Variants in RCHY1 observed in about 807,000 individuals in gnomAD.
The protein encoded by RCHY1 is ring finger and CHY zinc finger domain containing 1, also known as RING finger and CHY zinc finger domain-containing protein 1.
RCHY1 carries 21 observed loss-of-function variants against 41.6 expected under a neutral mutation model. The ratio of observed to expected loss-of-function variants is 0.51; its 90% CI spans 0.36 to 0.73. The LOEUF is 0.73. RCHY1 is among the 30% of genes least tolerant of loss of function. The probability of loss-of-function intolerance (pLI) is 0.00; values close to 1 mark genes in which losing one functional copy is unlikely to be tolerated. For synonymous variants in RCHY1, 79 were observed against 102.9 expected, an observed-to-expected ratio of 0.77 and a Z score of 1.41; for missense variants, 265 against 325.3, an observed-to-expected ratio of 0.81 and a Z score of 1.43.
At chr4:75,502,514 T>C (rs547606221) in intron 3 of RCHY1, among the ~76,000 whole-genome samples, 33 of 152,182 alleles carry the variant, frequency 2.2e-4, no homozygotes, top group Admixed American at 6.5e-4. Context: ...CACTCCAGCC[T>C]GGGCGCCAGA....
At chr4:75,489,206 G>A (rs558400042) in intron 8 of RCHY1, among the ~76,000 whole-genome samples, 1 of 152,128 alleles carries the variant, frequency 6.6e-6, no homozygotes, top group Admixed American at 6.5e-5. Flanking sequence ...ACCAATGTTT[G>A]CTTTGTCGAA....
chr4:75,484,437 C>A (rs58178148), intron 8 of RCHY1, among the ~76,000 whole-genome samples: 4,589 of 152,184 alleles, frequency 0.03, 228 homozygotes, highest in African/African-American at 0.11. Flanking sequence ...CTGGGTCGGG[C>A]AGAAGCACAG....
At chr4:75,496,091 A>G (rs938638324) in intron 3 of RCHY1, among the ~76,000 whole-genome samples, 3 of 152,222 alleles carry the variant, frequency 2.0e-5, no homozygotes, top group East Asian at 1.9e-4. Flanking sequence ...GTCAAACTCC[A>G]TAAGTAAAAT....
Position 75,482,412 on chromosome 4 carries a change from T to C in RCHY1, c.*126A>G. On this transcript the variant is annotated 3_prime_UTR_variant, in exon 9 of 9. Transcript: ENST00000324439. ...CTTACGTACTTGTAATATGATTTTA[T>C]GCTGTGACACTAGTACAAAACACAT... 1.3e-6 allele frequency: 1 copy of C among 755,756 alleles called. No individual in the cohort carries two copies. Among genetic ancestry groups the C allele is most frequent in the Non-Finnish European group, 2.0e-6 (1 of 511,200 alleles). The allele number at this position is 755,756 out of a possible 1,614,324, so 46.8% of individuals were successfully genotyped here. A position where few individuals can be genotyped will look rare whatever the true frequency, so the allele number is the denominator to read the frequency against.
chr4:75,480,106 G>A lies in RCHY1; in HGVS notation c.*2432C>T, dbSNP rs1721405191. ...GTTGAAGGATTTTAATCATCGAGTTGACGTGTCATGAACAAATACTTGAAG... is the reference window on the plus strand; with the variant it reads ...GTTGAAGGATTTTAATCATCGAGTTAACGTGTCATGAACAAATACTTGAAG... On this transcript the variant is annotated 3_prime_UTR_variant, in exon 9 of 9. Coordinates refer to ENST00000324439, the MANE Select transcript of RCHY1 (RefSeq NM_015436.4). The A allele has an allele frequency of 6.6e-6, 1 of 152,150 alleles. No homozygotes were observed. Among genetic ancestry groups the A allele is most frequent in the Admixed American group, 6.5e-5 (1 of 15,270 alleles). 9.4% of individuals were successfully genotyped at this position (152,150 alleles called of 1,614,324 possible).
intron 3 of RCHY1, among the ~76,000 whole-genome samples, chr4:75,496,689 A>G (rs1219829264): frequency 6.6e-6 from 1 of 152,120 alleles, no homozygotes; most frequent in Non-Finnish European, 1.5e-5. Context: ...CTACCTAACA[A>G]ATTAGAAAAG....
chr4:75,504,340 CCT>C (rs1724095805), intron 3 of RCHY1, among the ~76,000 whole-genome samples: 1 of 152,120 alleles, frequency 6.6e-6, no homozygotes, highest in Admixed American at 6.5e-5. Flanking sequence ...CTCTGCCACC[CCT>C]GAGATAGCAA....
Position 75,481,114 on chromosome 4 carries a change from GA to G in RCHY1, c.*1423del, listed in dbSNP as rs1236857239. ...CTCTGGCCAGGCCAAGGAAACAGAT[GA>G]AGGGAAAGAACATAAGAAGAGTGGA... On this transcript the variant is annotated 3_prime_UTR_variant, in exon 9 of 9. Coordinates refer to ENST00000324439, the MANE Select transcript of RCHY1 (RefSeq NM_015436.4). The G allele has an allele frequency of 6.6e-6, 1 of 152,318 alleles. No individual in the cohort carries two copies. The highest frequency in any genetic ancestry group is 2.4e-5 in the African/African-American group (1 of 41,466). The allele number at this position is 152,318 out of a possible 1,614,324, so 9.4% of individuals were successfully genotyped here. A position where few individuals can be genotyped will look rare whatever the true frequency, so the allele number is the denominator to read the frequency against.
At chr4:75,497,628 C>A (rs1578222397) in intron 3 of RCHY1, among the ~76,000 whole-genome samples, 1 of 150,564 alleles carries the variant, frequency 6.6e-6, no homozygotes, top group Non-Finnish European at 1.5e-5. Context: ...AATTTAAACT[C>A]TGTTAAGTTT....
Position 75,494,072 on chromosome 4 carries a change from T to C in RCHY1, c.405+29A>G, listed in dbSNP as rs188308266. On this transcript the variant is annotated intron_variant, in intron 4 of 8. Transcript: ENST00000324439. ...CTTATTGCAAAAACACTGTAATATT[T>C]TTAAAATTATACAAACTAAATTATA... 391 of 1,299,434 alleles carry C rather than the reference T, an allele frequency of 3.0e-4. 4 individuals are homozygous for C. The East Asian group carries it at 0.01, about 34-fold the overall frequency. The allele number at this position is 1,299,434 out of a possible 1,614,324, so 80.5% of individuals were successfully genotyped here. A position where few individuals can be genotyped will look rare whatever the true frequency, so the allele number is the denominator to read the frequency against.
intron 3 of RCHY1, 42 bp downstream of exon 3, chr4:75,508,778 T>C (rs1724577089): frequency 1.8e-6 from 2 of 1,123,584 alleles, no homozygotes; most frequent in Non-Finnish European, 2.6e-6. Context: ...TTATTGCATA[T>C]ACATTAGAAG....
rs1491484553 is a variant in RCHY1, at chr4:75,487,577, C to CATA, written c.657+3001_657+3003dup. On this transcript the variant is annotated intron_variant, in intron 8 of 8. Coordinates refer to ENST00000324439, the MANE Select transcript of RCHY1 (RefSeq NM_015436.4). The stretch of plus-strand genomic sequence containing the variant: ...ATAATATATTCATAATATATATATT[C>CATA]ATATATATATTCATAATATATATTC... Among the ~76,000 whole-genome samples the CATA allele has an allele frequency of 4.3e-4, 20 of 46,044 alleles. 3 individuals carry two copies. The highest frequency in any genetic ancestry group is 9.7e-4 in the Admixed American group (3 of 3,094). 30.2% of individuals were successfully genotyped at this position (46,044 alleles called of 152,430 possible). A position where few individuals can be genotyped will look rare whatever the true frequency, so the allele number is the denominator to read the frequency against.
At position 75,488,809 on chromosome 4, in the gene RCHY1, C is replaced by T. The variant is rs1171625786; in HGVS notation, c.657+1772G>A. Among the ~76,000 whole-genome samples, 5 of 152,202 alleles carry T rather than the reference C, an allele frequency of 3.3e-5. No individual in the cohort carries two copies. In the East Asian group the frequency reaches 9.7e-4, roughly 29 times the overall value. ...TGCATTCCAGCCAGGCAAGGTGGCT[C>T]ATCACTCCTATAATCCCAGCACTTT... On this transcript the variant is annotated intron_variant, in intron 8 of 8. Transcript: ENST00000324439.
In RCHY1 at chr4:75,514,391, C is replaced by G; in HGVS notation, c.-105G>C. The G allele has an allele frequency of 7.5e-7, 1 of 1,333,142 alleles. No homozygotes were observed. Among genetic ancestry groups the G allele is most frequent in the Non-Finnish European group, 1.0e-6 (1 of 984,002 alleles). 82.6% of individuals were successfully genotyped at this position (1,333,142 alleles called of 1,614,324 possible). ...ACACCCCTCCCAGCCCCAGCGGCCACTAGCGACAATATGGCTCCTAAGCAC... is the reference window on the plus strand; with the variant it reads ...ACACCCCTCCCAGCCCCAGCGGCCAGTAGCGACAATATGGCTCCTAAGCAC... On this transcript the variant is annotated 5_prime_UTR_variant, in exon 1 of 9. Transcript: ENST00000324439.
chr4:75,487,796 C>CATATATATATTCATAATATATATTCATA (rs1560513528), intron 8 of RCHY1, among the ~76,000 whole-genome samples: 7 of 49,760 alleles, frequency 1.4e-4, no homozygotes, highest in Admixed American at 5.3e-4. Context: ...TATATATATT[C>CATATATATATTCATAATATATATTCATA]ATATATATAT....
chr4:75,513,154 G>A (rs1054698803), intron 1 of RCHY1, among the ~76,000 whole-genome samples: 3 of 152,160 alleles, frequency 2.0e-5, no homozygotes, highest in Admixed American at 6.5e-5. Context: ...CAGTTCAGTG[G>A]AGCAATGTTC....
chr4:75,483,108 CCT>C (rs1488461644), intron 8 of RCHY1, among the ~76,000 whole-genome samples: 1 of 151,878 alleles, frequency 6.6e-6, no homozygotes, highest in Admixed American at 6.6e-5. Context: ...TATACTGTTC[CCT>C]GTCTTCTCTG....
At chr4:75,483,426 T>C (rs565663044) in intron 8 of RCHY1, among the ~76,000 whole-genome samples, 1 of 152,198 alleles carries the variant, frequency 6.6e-6, no homozygotes, top group African/African-American at 2.4e-5. Flanking sequence ...GGATTAGTGG[T>C]TGCCTAGGCC....
In RCHY1 at chr4:75,483,103, T is replaced by C. The variant is rs539839326; in HGVS notation, c.658-437A>G. Among the ~76,000 whole-genome samples, 13 of 152,296 alleles carry C rather than the reference T, an allele frequency of 8.5e-5. No homozygotes were observed. The South Asian group carries it at 2.7e-3, about 32-fold the overall frequency. On this transcript the variant is annotated intron_variant, in intron 8 of 8. Coordinates refer to ENST00000324439, the MANE Select transcript of RCHY1 (RefSeq NM_015436.4). Reference sequence around the variant, plus strand: ...TGCTTATTTTTTAGGTTTAGTATACTGTTCCCTGTCTTCTCTGCCTTAGGA... The same window carrying C: ...TGCTTATTTTTTAGGTTTAGTATACCGTTCCCTGTCTTCTCTGCCTTAGGA...
Sources: allele counts gnomAD v4.1 joint callset (sites outside exome capture counted in the v4.1 genomes callset), GRCh38; gene constraint gnomAD v4.1.1; transcripts MANE v1.5; gene names NCBI Gene and HGNC (gene_info 2026-07-23, HGNC 2026-07-21).